The following TENM4 variants were observed in gnomAD, a reference collection of about 807,000 sequenced individuals.
TENM4 encodes the protein teneurin-4.
TENM4 carries 82 observed loss-of-function variants against 243.3 expected under a neutral mutation model. The observed-to-expected ratio is 0.34, with a 90% confidence interval of 0.28 to 0.40. The LOEUF (loss-of-function observed/expected upper bound fraction) is 0.40, where lower values mean the gene tolerates loss of function less well. TENM4 is among the 10% of genes least tolerant of loss of function. TENM4 has a pLI of 1.00. For missense variants in TENM4, 3,138 were observed against 3,673.3 expected, an observed-to-expected ratio of 0.85 and a Z score of 3.77; for synonymous variants, 1,412 against 1,456.3, an observed-to-expected ratio of 0.97 and a Z score of 0.69.
chr11:79,426,611 T>A (rs1417332681), intron 1 of TENM4, among the ~76,000 whole-genome samples: 1 of 152,174 alleles, frequency 6.6e-6, no homozygotes, highest in Non-Finnish European at 1.5e-5. Flanking sequence ...AGGTTATGGC[T>A]GGAAAGCAGA....
chr11:79,172,185 T>C (rs1863060160), intron 3 of TENM4, among the ~76,000 whole-genome samples: 1 of 152,108 alleles, frequency 6.6e-6, no homozygotes, highest in Non-Finnish European at 1.5e-5. Context: ...AACCCCTGGC[T>C]CAAATGATCC....
chr11:78,664,053 A>G (rs1039402107), intron 32 of TENM4, among the ~76,000 whole-genome samples: 6 of 152,156 alleles, frequency 3.9e-5, no homozygotes, highest in African/African-American at 1.4e-4. Flanking sequence ...AGACAAACCC[A>G]GTGTCCAAAT....
chr11:79,423,705 C>A (rs1490415268), intron 1 of TENM4, among the ~76,000 whole-genome samples: 2 of 151,990 alleles, frequency 1.3e-5, no homozygotes, highest in East Asian at 1.9e-4. Context: ...AGGCCAGAAC[C>A]AAATCTCCTG....
At chr11:79,303,954 A>G (rs1405616230) in intron 1 of TENM4, among the ~76,000 whole-genome samples, 1 of 152,188 alleles carries the variant, frequency 6.6e-6, no homozygotes, top group Non-Finnish European at 1.5e-5. Context: ...TAAACAGGAA[A>G]CCAGGGCAGA....
intron 6 of TENM4, among the ~76,000 whole-genome samples, chr11:78,952,972 G>A (rs370490157): frequency 6.6e-6 from 1 of 152,206 alleles, no homozygotes; most frequent in Admixed American, 6.5e-5. Context: ...TATAGGTACT[G>A]TTGTTGTTAG....
intron 4 of TENM4, chr11:79,096,800 A>G (rs1403064139): frequency 6.6e-6 from 1 of 152,638 alleles, no homozygotes; most frequent in Non-Finnish European, 1.5e-5. Flanking sequence ...AGTCTCAGCA[A>G]CTTATAGACA....
intron 28 of TENM4, among the ~76,000 whole-genome samples, chr11:78,697,937 G>C (rs1292914334): frequency 6.6e-6 from 1 of 152,190 alleles, no homozygotes; most frequent in Non-Finnish European, 1.5e-5. Context: ...GGTGGGGACT[G>C]CATTTCAGAC....
intron 9 of TENM4, among the ~76,000 whole-genome samples, chr11:78,881,523 TTGCCCCTTCA>T (rs970918468): frequency 4.6e-5 from 7 of 152,140 alleles, no homozygotes; most frequent in African/African-American, 1.2e-4. Context: ...TCCTTCCCCC[TTGCCCCTTCA>T]TGCCCCTTCA....
chr11:79,134,635 G>T (rs575651366), intron 4 of TENM4, among the ~76,000 whole-genome samples: 1 of 152,104 alleles, frequency 6.6e-6, no homozygotes, highest in African/African-American at 2.4e-5. Flanking sequence ...TGTGGAACTG[G>T]TATAAAAATA....
At chr11:79,106,731 G>C (rs1861378526) in intron 4 of TENM4, among the ~76,000 whole-genome samples, 1 of 152,206 alleles carries the variant, frequency 6.6e-6, no homozygotes, top group South Asian at 2.1e-4. Context: ...CAAGATCACA[G>C]TGCAGGGCAA....
At chr11:79,209,808 T>C (rs1028844666) in intron 3 of TENM4, among the ~76,000 whole-genome samples, 3 of 152,218 alleles carry the variant, frequency 2.0e-5, no homozygotes, top group Non-Finnish European at 4.4e-5. Context: ...GGGGAAAGTA[T>C]GGTATTTCCA....
chr11:78,782,349 G>A (rs1213087476), intron 16 of TENM4, among the ~76,000 whole-genome samples: 2 of 152,126 alleles, frequency 1.3e-5, no homozygotes, highest in Non-Finnish European at 2.9e-5. Context: ...TGTAATCCCA[G>A]TACTTTGGGA....
chr11:79,418,138 TA>T (rs1858858077), intron 1 of TENM4, among the ~76,000 whole-genome samples: 1 of 21,450 alleles, frequency 4.7e-5, no homozygotes, highest in Non-Finnish European at 1.1e-4. Context: ...ACATAAATTA[TA>T]TATTATATAT....
chr11:78,748,384 C>G (rs1590990364), intron 19 of TENM4, among the ~76,000 whole-genome samples: 1 of 152,194 alleles, frequency 6.6e-6, no homozygotes, highest in African/African-American at 2.4e-5. Context: ...AACAGTGAGG[C>G]TGAGAGTCCA....
At chr11:78,856,246 G>A (rs1302826131) in intron 10 of TENM4, 68 bp from the exon 11 acceptor site, 2 of 1,365,998 alleles carry the variant, frequency 1.5e-6, no homozygotes, top group African/African-American at 1.4e-5. Context: ...AGAAACCAGG[G>A]CATCTGAACA....
chr11:78,940,555 A>C (rs528125696), intron 6 of TENM4, among the ~76,000 whole-genome samples: 1 of 152,200 alleles, frequency 6.6e-6, no homozygotes, highest in Non-Finnish European at 1.5e-5. Context: ...CAAGAGGCTG[A>C]CAGGGCAGCA....
intron 6 of TENM4, among the ~76,000 whole-genome samples, chr11:79,016,792 G>C (rs1462041273): frequency 6.6e-6 from 1 of 152,214 alleles, no homozygotes; most frequent in Non-Finnish European, 1.5e-5. Flanking sequence ...CCCATTATTT[G>C]GTTCATCAAA....
At chr11:79,077,371 G>A (rs1334039585) in intron 4 of TENM4, among the ~76,000 whole-genome samples, 1 of 152,160 alleles carries the variant, frequency 6.6e-6, no homozygotes, top group Non-Finnish European at 1.5e-5. Flanking sequence ...ACATCTAAAT[G>A]AAAACCAAAG....
chr11:79,150,989 A>G (rs552907150), intron 3 of TENM4, among the ~76,000 whole-genome samples: 1 of 152,284 alleles, frequency 6.6e-6, no homozygotes, highest in South Asian at 2.1e-4. Flanking sequence ...TAATTTGCCC[A>G]GGATCACTCA....
Sources: gnomAD v4.1 joint callset for allele counts (sites outside exome capture counted in the v4.1 genomes callset) on GRCh38, gnomAD v4.1.1 for gene constraint, MANE v1.5 for transcripts, NCBI Gene and HGNC (gene_info 2026-07-23, HGNC 2026-07-21) for gene names.